SLC15A5: variants seen among roughly 807,000 people sequenced by gnomAD.
The protein encoded by SLC15A5 is solute carrier family 15 member 5, also known as Peptide/histidine transporter ENSP00000340402.
Under a neutral mutation model 56.1 loss-of-function variants are expected in SLC15A5, and 58 were observed. The ratio of observed to expected loss-of-function variants is 1.03; its 90% CI spans 0.84 to 1.29. The LOEUF (loss-of-function observed/expected upper bound fraction) is 1.29, where lower values mean the gene tolerates loss of function less well. SLC15A5 is among the 50% of genes most tolerant of loss of function. SLC15A5 has a pLI of 0.00. For missense variants in SLC15A5, 681 were observed against 672.1 expected (o/e 1.01, Z -0.15); for synonymous variants, 264 against 250.5 (o/e 1.05, Z -0.51).
At chr12:16,223,180 T>C (rs1479175732) in intron 6 of SLC15A5, among the ~76,000 whole-genome samples, 8 of 152,146 alleles carry the variant, frequency 5.3e-5, no homozygotes, top group Non-Finnish European at 1.0e-4. Context: ...GAAACAACTT[T>C]TAAGATAATA....
intron 7 of SLC15A5, among the ~76,000 whole-genome samples, chr12:16,216,518 A>G (rs1864130814): frequency 1.3e-5 from 2 of 152,170 alleles, no homozygotes; most frequent in Non-Finnish European, 2.9e-5. Flanking sequence ...TGAGAAAAAA[A>G]GATCATTCAG....
At chr12:16,211,419 C>T (rs1181292015) in intron 7 of SLC15A5, among the ~76,000 whole-genome samples, 1 of 152,162 alleles carries the variant, frequency 6.6e-6, no homozygotes, top group Non-Finnish European at 1.5e-5. Flanking sequence ...TTCTTTGCCC[C>T]TTTCCCGAAT....
intron 8 of SLC15A5, among the ~76,000 whole-genome samples, chr12:16,192,875 C>T (rs757852466): frequency 1.3e-5 from 2 of 152,110 alleles, no homozygotes; most frequent in African/African-American, 2.4e-5. Context: ...GATACAGTTA[C>T]TATTTTTATC....
At chr12:16,259,636 C>G (rs1339172009) in intron 2 of SLC15A5, among the ~76,000 whole-genome samples, 2 of 152,102 alleles carry the variant, frequency 1.3e-5, no homozygotes, top group South Asian at 4.1e-4. Context: ...GAACTTAATG[C>G]GATCATAGTA....
At chr12:16,262,990 G>A (rs1565674065) in intron 2 of SLC15A5, among the ~76,000 whole-genome samples, 2 of 152,136 alleles carry the variant, frequency 1.3e-5, no homozygotes, top group African/African-American at 4.8e-5. Context: ...TTTATCAGCA[G>A]TGTGAAAGCA....
chr12:16,261,740 A>G (rs1193000027), intron 2 of SLC15A5, among the ~76,000 whole-genome samples: 1 of 152,198 alleles, frequency 6.6e-6, no homozygotes, highest in Non-Finnish European at 1.5e-5. Context: ...AAAACTTGGT[A>G]TACTACATGT....
chr12:16,219,106 C>G (rs1205281809), intron 6 of SLC15A5, among the ~76,000 whole-genome samples: 1 of 152,152 alleles, frequency 6.6e-6, no homozygotes, highest in Non-Finnish European at 1.5e-5. Context: ...ATCAGTTTAT[C>G]TTTCCTGGAC....
At chr12:16,249,062 A>G (rs1458530175) in intron 3 of SLC15A5, among the ~76,000 whole-genome samples, 2 of 151,998 alleles carry the variant, frequency 1.3e-5, no homozygotes, top group African/African-American at 2.4e-5. Flanking sequence ...TCTGACCTTG[A>G]TCTAATCATG....
At chr12:16,252,408 C>T (rs527758672) in intron 3 of SLC15A5, among the ~76,000 whole-genome samples, 14 of 152,110 alleles carry the variant, frequency 9.2e-5, no homozygotes, top group Non-Finnish European at 1.3e-4. Flanking sequence ...ATGTACCAAA[C>T]ACTAAGAATT....
chr12:16,272,870 G>T, intron 1 of SLC15A5, 87 bp from the exon 2 acceptor site: 1 of 1,151,386 alleles, frequency 8.7e-7, no homozygotes, highest in Non-Finnish European at 1.2e-6. Context: ...TTCTCTGACA[G>T]TGGCATCATT....
intron 4 of SLC15A5, 77 bp downstream of exon 4, chr12:16,244,503 A>G (rs1446695436): frequency 7.5e-7 from 1 of 1,341,658 alleles, no homozygotes; most frequent in African/African-American, 1.4e-5. Context: ...CGTTGGGGAG[A>G]AAATTCACCT....
At chr12:16,238,527 G>C (rs1864375174) in intron 5 of SLC15A5, among the ~76,000 whole-genome samples, 1 of 151,708 alleles carries the variant, frequency 6.6e-6, no homozygotes, top group Non-Finnish European at 1.5e-5. Context: ...CTACTCGGGA[G>C]GCTGAGGCAG....
chr12:16,244,583 C>A lies in SLC15A5; in HGVS notation c.972G>T (p.Met324Ile). 1 of 1,537,450 alleles carries A rather than the reference C, an allele frequency of 6.5e-7. No individual in the cohort carries two copies. Among genetic ancestry groups the A allele is most frequent in the Non-Finnish European group, 8.7e-7 (1 of 1,146,922 alleles). Residue 324 changes from methionine (M) to isoleucine (I), a missense_variant, in exon 4 of 9, where the codon ATG becomes ATT. Coordinates refer to ENST00000344941, the MANE Select transcript of SLC15A5 (RefSeq NM_001170798.1). ...IFQLLYRMCI[M>I]QIPSGYYLQT... ...AGTACTCATCGCCTGTCCTTACCTG[C>A]ATAATGCACATTCTGTATAGGAGCT...
intron 3 of SLC15A5, among the ~76,000 whole-genome samples, chr12:16,248,167 G>A (rs967242326): frequency 3.3e-5 from 5 of 152,208 alleles, no homozygotes; most frequent in South Asian, 4.1e-4. Flanking sequence ...ATCAGGAGTT[G>A]TGTTTTGGTC....
At chr12:16,264,702 A>G (rs1565674509) in intron 2 of SLC15A5, among the ~76,000 whole-genome samples, 1 of 152,166 alleles carries the variant, frequency 6.6e-6, no homozygotes, top group Admixed American at 6.5e-5. Context: ...CATCTTTCCC[A>G]TGCTGTTCTC....
At chr12:16,267,612 A>G (rs1591661627) in intron 2 of SLC15A5, among the ~76,000 whole-genome samples, 1 of 110,636 alleles carries the variant, frequency 9.0e-6, no homozygotes, top group Non-Finnish European at 1.9e-5. Flanking sequence ...TCTCTCTCCC[A>G]AGCTCTCCCT....
At chr12:16,232,925 A>AAAAGAAAGAGAGAGAGAGAGGAAG (rs1864311890) in intron 5 of SLC15A5, among the ~76,000 whole-genome samples, 1 of 151,852 alleles carries the variant, frequency 6.6e-6, no homozygotes, top group Non-Finnish European at 1.5e-5. Flanking sequence ...AAAAAAGAAA[A>AAAAGAAAGAGAGAGAGAGAGGAAG]AAAGAAAGAG....
intron 7 of SLC15A5, among the ~76,000 whole-genome samples, chr12:16,209,539 C>T (rs1267581115): frequency 1.3e-5 from 2 of 152,106 alleles, no homozygotes; most frequent in African/African-American, 4.8e-5. Flanking sequence ...GGATGTCTCA[C>T]AGGTATGTCA....
intron 5 of SLC15A5, among the ~76,000 whole-genome samples, chr12:16,234,803 G>A (rs1385811960): frequency 6.6e-6 from 1 of 152,088 alleles, no homozygotes; most frequent in Non-Finnish European, 1.5e-5. Context: ...TTGCACTTGT[G>A]ATTTCATAAT....
Sources: allele counts gnomAD v4.1 joint callset (sites outside exome capture counted in the v4.1 genomes callset), GRCh38; gene constraint gnomAD v4.1.1; transcripts MANE v1.5; gene names NCBI Gene and HGNC (gene_info 2026-07-23, HGNC 2026-07-21).